FER: variants seen among roughly 807,000 people sequenced by gnomAD.
FER encodes the protein FER tyrosine kinase.
Under a neutral mutation model 111.0 loss-of-function variants are expected in FER, and 63 were observed. That is an observed-to-expected ratio of 0.57 (90% CI 0.46 to 0.70). The LOEUF is 0.70. Ranked by LOEUF, FER falls within the 30% of genes least tolerant of loss-of-function variation. The probability of loss-of-function intolerance (pLI) is 0.00; values close to 1 mark genes in which losing one functional copy is unlikely to be tolerated. For synonymous variants in FER, 327 were observed against 313.9 expected, an observed-to-expected ratio of 1.04 and a Z score of -0.44; for missense variants, 914 against 954.0, an observed-to-expected ratio of 0.96 and a Z score of 0.55.
intron 13 of FER, among the ~76,000 whole-genome samples, chr5:109,016,417 A>C (rs1045946965): frequency 1.9e-4 from 29 of 152,034 alleles, no homozygotes; most frequent in Non-Finnish European, 2.9e-4. Flanking sequence ...GTTGAATATG[A>C]ATAAAGATAA....
chr5:109,086,259 T>C (rs1001652808), intron 16 of FER, among the ~76,000 whole-genome samples: 13 of 145,158 alleles, frequency 9.0e-5, no homozygotes, highest in African/African-American at 3.1e-4. Context: ...TTCACTTTAG[T>C]TGTCTTTCAA....
chr5:109,119,573 T>G (rs548732669), intron 17 of FER, among the ~76,000 whole-genome samples: 2 of 152,274 alleles, frequency 1.3e-5, no homozygotes, highest in East Asian at 3.9e-4. Context: ...TTGTTAACTT[T>G]CTGTCTCGTT....
chr5:108,959,699 T>C (rs567777761), intron 13 of FER, among the ~76,000 whole-genome samples: 6 of 152,182 alleles, frequency 3.9e-5, no homozygotes, highest in Non-Finnish European at 8.8e-5. Flanking sequence ...AGAAAATGTC[T>C]AGCAGTTAGG....
intron 8 of FER, 150 bp from the exon 9 acceptor site, chr5:108,883,246 C>T: frequency 1.5e-6 from 1 of 665,408 alleles, no homozygotes; most frequent in Non-Finnish European, 2.2e-6. Flanking sequence ...TCTAATGCAA[C>T]CAAAGAGCTG....
chr5:109,036,875 A>G (rs1056859298), intron 13 of FER, among the ~76,000 whole-genome samples: 1 of 151,986 alleles, frequency 6.6e-6, no homozygotes, highest in African/African-American at 2.4e-5. Flanking sequence ...CCCTAGTGAT[A>G]TTGTAATTGG....
Position 109,187,519 on chromosome 5 carries a change from CCT to C in FER, c.2414_2415del (p.Pro805GlnfsTer4). 1 of 1,614,030 alleles carries C rather than the reference CCT, an allele frequency of 6.2e-7. No individual in the cohort carries two copies. Among genetic ancestry groups the C allele is most frequent in the Non-Finnish European group, 8.5e-7 (1 of 1,179,994 alleles). On this transcript the variant is annotated frameshift_variant, in exon 20 of 20. Coordinates refer to ENST00000281092, the MANE Select transcript of FER (RefSeq NM_005246.4). LOFTEE classifies it high-confidence loss of function. The stretch of plus-strand genomic sequence containing the variant: ...TTGGGATTATAAACCTGAAAATCGC[CCT>C]AAGTTCAGTGAACTTCAGAAAGAGC... ...KCWDYKPENR[P>X]KFSELQKELT...
intron 13 of FER, among the ~76,000 whole-genome samples, chr5:109,027,947 T>C (rs1036937457): frequency 6.6e-6 from 1 of 152,244 alleles, no homozygotes; most frequent in South Asian, 2.1e-4. Flanking sequence ...ATTTACATAG[T>C]GTTTTCATTA....
At chr5:109,053,998 C>G (rs1773286920) in intron 16 of FER, among the ~76,000 whole-genome samples, 1 of 151,984 alleles carries the variant, frequency 6.6e-6, no homozygotes, top group Non-Finnish European at 1.5e-5. Context: ...GCCTGGAGTT[C>G]TATTTAATGA....
chr5:108,844,147 T>G (rs1269589272), intron 5 of FER, among the ~76,000 whole-genome samples: 1 of 148,424 alleles, frequency 6.7e-6, no homozygotes, highest in South Asian at 2.1e-4. Flanking sequence ...CATATATGTG[T>G]GTGTGAACAT....
chr5:108,777,871 G>T (rs1167016817), intron 2 of FER, among the ~76,000 whole-genome samples: 1 of 152,102 alleles, frequency 6.6e-6, no homozygotes, highest in African/African-American at 2.4e-5. Flanking sequence ...TCACGATCAA[G>T]AGAATAGCAA....
intron 13 of FER, among the ~76,000 whole-genome samples, chr5:108,999,559 A>G (rs1261129004): frequency 6.6e-6 from 1 of 152,126 alleles, no homozygotes; most frequent in Admixed American, 6.5e-5. Flanking sequence ...TTGTATACCT[A>G]GAAGTAGAGT....
chr5:108,975,657 TAGTG>T (rs80333362), intron 13 of FER, among the ~76,000 whole-genome samples: 12,541 of 152,226 alleles, frequency 0.082, 703 homozygotes, highest in Non-Finnish European at 0.12. Context: ...GGAAATCACT[TAGTG>T]AGTTGTTGAC....
chr5:108,851,299 G>A (rs1256131742), intron 5 of FER, among the ~76,000 whole-genome samples: 2 of 152,188 alleles, frequency 1.3e-5, no homozygotes, highest in African/African-American at 4.8e-5. Flanking sequence ...GAGAGAGATT[G>A]GGCAGGGAAA....
intron 5 of FER, among the ~76,000 whole-genome samples, chr5:108,846,661 C>T (rs971455174): frequency 2.6e-5 from 4 of 152,038 alleles, no homozygotes; most frequent in East Asian, 1.9e-4. Context: ...CGGCCCACTG[C>T]GAGCTCTGCC....
At chr5:109,048,141 A>G (rs1772259520) in intron 16 of FER, among the ~76,000 whole-genome samples, 1 of 152,138 alleles carries the variant, frequency 6.6e-6, no homozygotes, top group African/African-American at 2.4e-5. Context: ...TATTAAGTAA[A>G]CATAATATTG....
chr5:109,034,083 C>T (rs1770021077), intron 13 of FER, among the ~76,000 whole-genome samples: 1 of 152,162 alleles, frequency 6.6e-6, no homozygotes, highest in South Asian at 2.1e-4. Context: ...ATCTTGGAAA[C>T]TTACTCCTCC....
At chr5:108,911,950 T>C (rs1225140795) in intron 10 of FER, among the ~76,000 whole-genome samples, 1 of 152,170 alleles carries the variant, frequency 6.6e-6, no homozygotes, top group African/African-American at 2.4e-5. Flanking sequence ...TGGTTGGAGA[T>C]AATTGAATCA....
chr5:108,963,338 G>A (rs1177177032), intron 13 of FER, among the ~76,000 whole-genome samples: 4 of 152,082 alleles, frequency 2.6e-5, no homozygotes, highest in South Asian at 2.1e-4. Context: ...TGAGGTGGGC[G>A]GATTGCTTGA....
At chr5:108,848,776 TTATC>T (rs1433543363) in intron 5 of FER, among the ~76,000 whole-genome samples, 1 of 152,144 alleles carries the variant, frequency 6.6e-6, no homozygotes, top group Non-Finnish European at 1.5e-5. Flanking sequence ...CTTTATTTAT[TTATC>T]TATGTCTCTA....
Sources: gnomAD v4.1 joint callset for allele counts (sites outside exome capture counted in the v4.1 genomes callset) on GRCh38, gnomAD v4.1.1 for gene constraint, MANE v1.5 for transcripts, NCBI Gene and HGNC (gene_info 2026-07-23, HGNC 2026-07-21) for gene names.